Variants in FAM193A observed in about 807,000 individuals in gnomAD.
FAM193A encodes the protein family with sequence similarity 193 member A.
In FAM193A, 22 loss-of-function variants were observed where a neutral mutation model predicts 126.5. The ratio of observed to expected loss-of-function variants is 0.17; its 90% confidence interval spans 0.12 to 0.25. The LOEUF (loss-of-function observed/expected upper bound fraction) is 0.25. Ranked by LOEUF, FAM193A falls within the 10% of genes least tolerant of loss-of-function variation. The pLI is 1.00. For missense variants in FAM193A, 1,675 were observed against 1,672.8 expected, an observed-to-expected ratio of 1.00 and a Z score of -0.02; for synonymous variants, 761 against 646.8, an observed-to-expected ratio of 1.18 and a Z score of -2.68.
chr4:2,617,221 G>T (rs1742246146), intron 2 of FAM193A, among the ~76,000 whole-genome samples: 4 of 97,682 alleles, frequency 4.1e-5, no homozygotes, highest in Admixed American at 9.6e-5. Context: ...CCCATGTATT[G>T]GTCAGAAGTA....
intron 1 of FAM193A, among the ~76,000 whole-genome samples, chr4:2,573,460 C>A (rs1739407628): frequency 6.6e-6 from 1 of 150,612 alleles, no homozygotes; most frequent in Non-Finnish European, 1.5e-5. Flanking sequence ...TTGCAGTGAG[C>A]TGAGATCGTG....
chr4:2,679,652 A>G (rs908519741), intron 13 of FAM193A, among the ~76,000 whole-genome samples: 3 of 151,998 alleles, frequency 2.0e-5, no homozygotes, highest in Non-Finnish European at 4.4e-5. Flanking sequence ...TGTTGGGATT[A>G]CAGGTGTGAG....
intron 7 of FAM193A, among the ~76,000 whole-genome samples, chr4:2,648,423 G>A (rs549671258): frequency 1.3e-5 from 2 of 152,338 alleles, no homozygotes; most frequent in Admixed American, 1.3e-4. Flanking sequence ...GGTGGGGCCT[G>A]AGAGAGCAGT....
At chr4:2,553,504 C>T (rs1192901396) in intron 1 of FAM193A, among the ~76,000 whole-genome samples, 2 of 151,550 alleles carry the variant, frequency 1.3e-5, no homozygotes, top group Admixed American at 6.6e-5. Flanking sequence ...CCTCAGCCCC[C>T]TGAGTAGCTG....
At chr4:2,635,530 T>G (rs1744003117) in intron 5 of FAM193A, among the ~76,000 whole-genome samples, 1 of 152,184 alleles carries the variant, frequency 6.6e-6, no homozygotes, top group Non-Finnish European at 1.5e-5. Flanking sequence ...TAACATAAAT[T>G]ACATATGTAA....
At chr4:2,536,067 G>A (rs2108792788), upstream of FAM193A, among the ~76,000 whole-genome samples, 1 of 152,090 alleles carries the variant, frequency 6.6e-6, no homozygotes, top group African/African-American at 2.4e-5. Context: ...GTCACCGGGC[G>A]TTCCTGGCGA....
At chr4:2,679,447 T>C (rs1211378810) in intron 13 of FAM193A, among the ~76,000 whole-genome samples, 2 of 150,440 alleles carry the variant, frequency 1.3e-5, no homozygotes, top group African/African-American at 4.9e-5. Context: ...TGGTGTGATC[T>C]TGGCTCACTG....
At chr4:2,711,632 G>A (rs934352791) in intron 19 of FAM193A, among the ~76,000 whole-genome samples, 4 of 151,286 alleles carry the variant, frequency 2.6e-5, no homozygotes, top group Non-Finnish European at 4.4e-5. Context: ...GAGCCACCAC[G>A]CCGAGCCTCC....
chr4:2,637,306 G>A (rs1360680385), intron 5 of FAM193A, among the ~76,000 whole-genome samples: 2 of 152,186 alleles, frequency 1.3e-5, no homozygotes, highest in African/African-American at 4.8e-5. Flanking sequence ...CAGCCTGGGC[G>A]ACAGAGTGAG....
chr4:2,731,802 C>G lies in FAM193A; in HGVS notation c.4482C>G (p.Thr1494=), dbSNP rs1462777617. The change falls in exon 21 of 21, where the codon ACC becomes ACG. Residue 1494 remains threonine (T), a synonymous_variant. Transcript: ENST00000637812. Reference sequence around the variant, plus strand: ...TCTGCTTGGATTCTGCTAGACAGACCCGACAAAGACTGTCTATCAACTGGT... The same window carrying G: ...TCTGCTTGGATTCTGCTAGACAGACGCGACAAAGACTGTCTATCAACTGGT... ...KRFCLDSARQ[T]RQRLSINWSN... The G allele has an allele frequency of 1.2e-6, 2 of 1,613,988 alleles. No individual in the cohort carries two copies. The highest frequency in any genetic ancestry group is 1.3e-5 in the African/African-American group (1 of 74,924).
intron 12 of FAM193A, 105 bp from the exon 13 acceptor site, chr4:2,672,016 T>G (rs573989247): frequency 7.7e-7 from 1 of 1,295,388 alleles, no homozygotes; most frequent in South Asian, 1.3e-5. Context: ...AAAAGCCCAC[T>G]TACCTTTGTA....
chr4:2,558,528 C>T (rs1005434759), intron 1 of FAM193A, among the ~76,000 whole-genome samples: 4 of 152,138 alleles, frequency 2.6e-5, no homozygotes, highest in African/African-American at 2.4e-5. Context: ...ACTACAGGCA[C>T]GGGCCACCAC....
chr4:2,574,213 T>C (rs1023731209), intron 1 of FAM193A, among the ~76,000 whole-genome samples: 1 of 150,524 alleles, frequency 6.6e-6, no homozygotes, highest in African/African-American at 2.5e-5. Context: ...TGTGCTGCAC[T>C]CTCTTGACAT....
intron 15 of FAM193A, among the ~76,000 whole-genome samples, chr4:2,691,638 TG>T (rs1716391238): frequency 6.6e-6 from 1 of 151,920 alleles, no homozygotes; most frequent in Non-Finnish European, 1.5e-5. Context: ...TAGCCAAAGC[TG>T]GGACAGATTG....
In FAM193A at chr4:2,699,436, A is replaced by ACCCC. The variant is rs111815931; in HGVS notation, c.3508-236_3508-233dup. ...TATCGGGAATTTTTTGTTAACTACCACCCCCCCCCCCACACACACACACAC... is the reference window on the plus strand; with the variant it reads ...TATCGGGAATTTTTTGTTAACTACCACCCCCCCCCCCCCCCACACACACACACAC... On this transcript the variant is annotated intron_variant, in intron 18 of 20. Transcript: ENST00000637812. Among the ~76,000 whole-genome samples the ACCCC allele has an allele frequency of 1.3e-3, 82 of 61,058 alleles. 8 individuals carry two copies. Among genetic ancestry groups the ACCCC allele is most frequent in the South Asian group, 3.3e-3 (4 of 1,214 alleles). 40.1% of individuals were successfully genotyped at this position (61,058 alleles called of 152,430 possible).
intron 1 of FAM193A, among the ~76,000 whole-genome samples, chr4:2,557,866 C>T (rs1317475177): frequency 6.6e-6 from 1 of 151,980 alleles, no homozygotes; most frequent in African/African-American, 2.4e-5. Flanking sequence ...GCAGAAGAAT[C>T]GCTTGAACCC....
At chr4:2,634,049 CAA>C (rs758167961) in intron 5 of FAM193A, among the ~76,000 whole-genome samples, 5 of 152,144 alleles carry the variant, frequency 3.3e-5, no homozygotes, top group African/African-American at 9.7e-5. Context: ...TCCTGGGAGA[CAA>C]GAGACAACCT....
intron 2 of FAM193A, among the ~76,000 whole-genome samples, chr4:2,612,725 AGTTGGTTCTGT>A (rs1461467022): frequency 3.9e-5 from 6 of 152,194 alleles, no homozygotes; most frequent in African/African-American, 7.2e-5. Context: ...GTCAAAAATC[AGTTGGTTCTGT>A]ATGTATGGAT....
intron 20 of FAM193A, among the ~76,000 whole-genome samples, chr4:2,725,308 G>A (rs1188861314): frequency 1.3e-5 from 2 of 151,904 alleles, no homozygotes; most frequent in African/African-American, 2.4e-5. Context: ...AGCTGGGCAT[G>A]GTGGCACACT....
Sources: allele counts gnomAD v4.1 joint callset (sites outside exome capture counted in the v4.1 genomes callset), GRCh38; gene constraint gnomAD v4.1.1; transcripts MANE v1.5; gene names NCBI Gene and HGNC (gene_info 2026-07-23, HGNC 2026-07-21).